CACNA1H: variants seen among roughly 807,000 people sequenced by gnomAD.
CACNA1H encodes calcium voltage-gated channel subunit alpha1 H.
In CACNA1H, 149 loss-of-function variants were observed where a neutral mutation model predicts 192.5. That is an observed-to-expected ratio of 0.77 (90% CI 0.68 to 0.89). The LOEUF is 0.89. Ranked by LOEUF, CACNA1H falls within the 40% of genes least tolerant of loss-of-function variation. CACNA1H has a pLI of 0.00. For synonymous variants in CACNA1H, 2,202 were observed against 1,475.2 expected (o/e 1.49, Z -11.29); for missense variants, 4,257 against 3,423.5 (o/e 1.24, Z -6.08).
At chr16:1,209,967 C>T (rs1969226966) in intron 17 of CACNA1H, 68 bp from the exon 18 acceptor site, 2 of 1,212,310 alleles carry the variant, frequency 1.6e-6, no homozygotes, top group Admixed American at 2.1e-5. Context: ...GAGCTGAGCA[C>T]AGAGGGCCCT....
In CACNA1H at chr16:1,205,327, C is replaced by T. The variant is rs28365122; in HGVS notation, c.2603+62C>T. On this transcript the variant is annotated intron_variant, in intron 11 of 34. Coordinates refer to ENST00000348261, the MANE Select transcript of CACNA1H (RefSeq NM_021098.3). ...GGAAGCTCCACTCTCTGGCAGAAAT[C>T]CCACCTGCAGAGCAAAACCCAGAGC... 1,226 of 1,512,400 alleles carry T rather than the reference C, an allele frequency of 8.1e-4. 5 individuals are homozygous for T. The highest frequency in any genetic ancestry group is 2.2e-3 in the South Asian group (181 of 81,750). The allele number at this position is 1,512,400 out of a possible 1,614,324, so 93.7% of individuals were successfully genotyped here. A position where few individuals can be genotyped will look rare whatever the true frequency, so the allele number is the denominator to read the frequency against.
rs11863684 is a variant in CACNA1H, at chr16:1,215,451, C to T, written c.5174-72C>T. Reference sequence around the variant, plus strand: ...CTCAGCCATGGGTGGGAGTGAGGGGCGGGGCGGCCAGGGTCCCCGCGCAGC... The same window carrying T: ...CTCAGCCATGGGTGGGAGTGAGGGGTGGGGCGGCCAGGGTCCCCGCGCAGC... On this transcript the variant is annotated intron_variant, in intron 29 of 34. Coordinates refer to ENST00000348261, the MANE Select transcript of CACNA1H (RefSeq NM_021098.3). 671 of 800,506 alleles carry T rather than the reference C, an allele frequency of 8.4e-4. No homozygotes were observed. The African/African-American group carries it at 0.01, about 12-fold the overall frequency. The allele number at this position is 800,506 out of a possible 1,614,324, so 49.6% of individuals were successfully genotyped here.
In CACNA1H at chr16:1,201,956, C is replaced by T. The variant is rs2141257419; in HGVS notation, c.1506C>T (p.His502=). ...PSAVQGQGPG[H]RQRRAGRHTA... The stretch of plus-strand genomic sequence containing the variant: ...CTGTGCAAGGCCAGGGTCCCGGGCA[C>T]CGCCAGCGCCGGGCAGGCAGGCACA... Residue 502 remains histidine (H), a synonymous_variant, in exon 9 of 35, where the codon CAC becomes CAT. Transcript: ENST00000348261. 6 of 1,545,856 alleles carry T rather than the reference C, an allele frequency of 3.9e-6. No homozygotes were observed. Among genetic ancestry groups the T allele is most frequent in the South Asian group, 3.6e-5 (3 of 83,950 alleles).
intron 31 of CACNA1H, 69 bp downstream of exon 31, chr16:1,217,079 T>A: frequency 1.5e-6 from 2 of 1,335,110 alleles, no homozygotes; most frequent in East Asian, 2.5e-5. Context: ...GCCCATCCAC[T>A]CACACGCAGG....
chr16:1,213,995 A>T lies in CACNA1H; in HGVS notation c.4929+64A>T. On this transcript the variant is annotated intron_variant, in intron 27 of 34. Transcript: ENST00000348261. Reference sequence around the variant, plus strand: ...GCACCCCCAGTGGGGCAGCCAACACAGTGGGCACAACCCTGGACCGGCGCT... The same window carrying T: ...GCACCCCCAGTGGGGCAGCCAACACTGTGGGCACAACCCTGGACCGGCGCT... 3.5e-6 allele frequency: 5 copies of T among 1,408,588 alleles called. No homozygotes were observed. In the South Asian group the frequency reaches 3.6e-5, roughly 10 times the overall value. 87.3% of individuals were successfully genotyped at this position (1,408,588 alleles called of 1,614,324 possible).
In CACNA1H at chr16:1,177,159, A is replaced by G. The variant is rs544537645; in HGVS notation, c.300-17813A>G. 2.0e-5 allele frequency among the ~76,000 whole-genome samples: 3 copies of G among 152,246 alleles called. No homozygotes were observed. In the South Asian group the frequency reaches 6.2e-4, roughly 32 times the overall value. On this transcript the variant is annotated intron_variant, in intron 2 of 34. Coordinates refer to ENST00000348261, the MANE Select transcript of CACNA1H (RefSeq NM_021098.3). ...TTTTGTCATTCCACTGACATTTACA[A>G]AGGACATCTCGGACTCTCGGACCCT...
intron 16 of CACNA1H, among the ~76,000 whole-genome samples, chr16:1,208,571 C>G (rs1360579182): frequency 6.6e-6 from 1 of 152,208 alleles, no homozygotes; most frequent in Non-Finnish European, 1.5e-5. Flanking sequence ...AGCCCGATTC[C>G]CTTTACGGCC....
chr16:1,163,065 C>G (rs1332303629), intron 2 of CACNA1H, among the ~76,000 whole-genome samples: 1 of 152,234 alleles, frequency 6.6e-6, no homozygotes, highest in African/African-American at 2.4e-5. Flanking sequence ...TGCTGTGTGT[C>G]CCTCACTCGT....
rs1198319084 is a variant in CACNA1H, at chr16:1,201,827, G to A, written c.1377G>A (p.Glu459=). 8.2e-6 allele frequency: 13 copies of A among 1,578,862 alleles called. No individual in the cohort carries two copies. Among genetic ancestry groups the A allele is most frequent in the Non-Finnish European group, 1.1e-5 (13 of 1,163,378 alleles). Residue 459 remains glutamate, a synonymous_variant, in exon 9 of 35, where the codon GAG becomes GAA. Transcript: ENST00000348261. ...SFSEPGSCYE[E]LLKYVGHIFR... is the part of the protein sequence containing the mutation. ...CCGAGCCTGGCAGCTGCTACGAAGA[G>A]CTGCTGAAGTACGTGGGCCACATAT...
intron 9 of CACNA1H, among the ~76,000 whole-genome samples, chr16:1,202,731 C>T (rs1210697162): frequency 2.6e-5 from 4 of 152,110 alleles, no homozygotes; most frequent in East Asian, 1.9e-4. Context: ...GTCAGACCCT[C>T]CTGGGGCAGC....
At chr16:1,190,858 CAGG>C (rs1262093234) in intron 2 of CACNA1H, among the ~76,000 whole-genome samples, 7 of 151,398 alleles carry the variant, frequency 4.6e-5, no homozygotes, top group African/African-American at 1.7e-4. Context: ...TGTGTGGCCT[CAGG>C]CACACTCGGG....
chr16:1,212,928 G>A (rs572777441), intron 26 of CACNA1H, among the ~76,000 whole-genome samples: 11 of 152,224 alleles, frequency 7.2e-5, no homozygotes, highest in African/African-American at 2.2e-4. Flanking sequence ...GTCGGGTGGC[G>A]GGTGGATCCT....
At chr16:1,206,909 T>TCCCCCCCCCCCCCCCCCCCCC in intron 12 of CACNA1H, 92 bp from the exon 13 acceptor site, 2 of 116,612 alleles carry the variant, frequency 1.7e-5, no homozygotes, top group Non-Finnish European at 1.6e-5. Context: ...GTCCTGCCCC[T>TCCCCCCCCCCCCCCCCCCCCC]CCCTCCTCCC....
At position 1,218,002 on chromosome 16, in the gene CACNA1H, C is replaced by T. The variant is rs767277197; in HGVS notation, c.5407C>T (p.Arg1803Cys). The T allele has an allele frequency of 9.4e-6, 15 of 1,601,358 alleles. No individual in the cohort carries two copies. Among genetic ancestry groups the T allele is most frequent in the Admixed American group, 5.1e-5 (3 of 58,714 alleles). Residue 1803 changes from arginine (R) to cysteine (C), a missense_variant, in exon 32 of 35, where the codon CGC becomes TGC. Physicochemically the swap from Arg to Cys is radical, Grantham distance 180. Coordinates refer to ENST00000348261, the MANE Select transcript of CACNA1H (RefSeq NM_021098.3). ...CGGCATGGCCTTCCTCACGCTGTTC[C>T]GCGTGTCCACGGGGGACAACTGGAA... Reference protein sequence around the residue: ...NFGMAFLTLFRVSTGDNWNGI... With the variant: ...NFGMAFLTLFCVSTGDNWNGI...
At chr16:1,196,115 G>A in intron 5 of CACNA1H, 92 bp downstream of exon 5, 1 of 1,035,772 alleles carries the variant, frequency 9.7e-7, no homozygotes, top group Admixed American at 2.0e-5. Flanking sequence ...AGGAGCACAG[G>A]ACTGGGAAAT....
intron 2 of CACNA1H, among the ~76,000 whole-genome samples, chr16:1,155,687 G>A (rs1316399285): frequency 1.3e-5 from 2 of 152,226 alleles, no homozygotes; most frequent in Non-Finnish European, 2.9e-5. Flanking sequence ...GGGCCTGGCT[G>A]TCCTGTCCCC....
At chr16:1,201,383 G>A (rs1967879460) in intron 8 of CACNA1H, among the ~76,000 whole-genome samples, 1 of 152,134 alleles carries the variant, frequency 6.6e-6, no homozygotes, top group African/African-American at 2.4e-5. Context: ...TCATCTCAAG[G>A]CCAGATCTGC....
At chr16:1,171,541 A>C (rs1417197882) in intron 2 of CACNA1H, among the ~76,000 whole-genome samples, 1 of 152,054 alleles carries the variant, frequency 6.6e-6, no homozygotes, top group African/African-American at 2.4e-5. Flanking sequence ...GGTGGGTTTT[A>C]TTTTCCAGGC....
intron 2 of CACNA1H, among the ~76,000 whole-genome samples, chr16:1,158,833 C>T (rs1273259391): frequency 1.3e-5 from 2 of 151,996 alleles, no homozygotes; most frequent in African/African-American, 4.8e-5. Flanking sequence ...CAGCCCGCAC[C>T]CCCGGCCCCA....
Sources: allele counts gnomAD v4.1 joint callset (sites outside exome capture counted in the v4.1 genomes callset), GRCh38; gene constraint gnomAD v4.1.1; transcripts MANE v1.5; gene names NCBI Gene and HGNC (gene_info 2026-07-23, HGNC 2026-07-21).